Variants in NRG2 observed in about 807,000 individuals in gnomAD.
The protein encoded by NRG2 is neuregulin 2, also known as pro-neuregulin-2, membrane-bound isoform.
NRG2 carries 27 observed loss-of-function variants against 73.9 expected under a neutral mutation model. The ratio of observed to expected loss-of-function variants is 0.37; its 90% CI spans 0.27 to 0.50. The LOEUF (loss-of-function observed/expected upper bound fraction) is 0.50, where lower values mean the gene tolerates loss of function less well. NRG2 is among the 20% of genes least tolerant of loss of function. The pLI is 0.96. For synonymous variants in NRG2, 532 were observed against 541.0 expected (o/e 0.98, Z 0.23); for missense variants, 1,126 against 1,210.1 (o/e 0.93, Z 1.03).
chr5:140,025,001 C>T (rs1243500712), intron 1 of NRG2, among the ~76,000 whole-genome samples: 1 of 152,168 alleles, frequency 6.6e-6, no homozygotes, highest in Non-Finnish European at 1.5e-5. Context: ...AAACAAAAGC[C>T]CAGAATGTAA....
chr5:139,936,185 G>A (rs1752843676), intron 1 of NRG2, among the ~76,000 whole-genome samples: 1 of 151,456 alleles, frequency 6.6e-6, no homozygotes, highest in African/African-American at 2.4e-5. Context: ...AAATAAGCAA[G>A]AAAATAAATG....
intron 1 of NRG2, among the ~76,000 whole-genome samples, chr5:139,953,616 A>G (rs917808397): frequency 6.6e-6 from 1 of 152,196 alleles, no homozygotes; most frequent in African/African-American, 2.4e-5. Flanking sequence ...TTTCTGGAAC[A>G]CTGACAAGGT....
chr5:139,968,697 T>C (rs1755751535), intron 1 of NRG2, among the ~76,000 whole-genome samples: 1 of 152,318 alleles, frequency 6.6e-6, no homozygotes, highest in South Asian at 2.1e-4. Context: ...GGCTGTGTTC[T>C]GGACACTACT....
intron 2 of NRG2, among the ~76,000 whole-genome samples, chr5:139,886,228 A>G (rs1763861875): frequency 6.6e-6 from 1 of 152,170 alleles, no homozygotes; most frequent in Non-Finnish European, 1.5e-5. Context: ...TCTTGGAAGG[A>G]GAATCAGAGA....
At chr5:139,892,982 A>G (rs1048516226) in intron 1 of NRG2, among the ~76,000 whole-genome samples, 2 of 150,966 alleles carry the variant, frequency 1.3e-5, no homozygotes, top group East Asian at 3.9e-4. Context: ...CCTACTCCGC[A>G]AAGAGTTTAG....
chr5:140,008,258 T>C lies in NRG2; in HGVS notation c.700+34112A>G, dbSNP rs1457828657. On this transcript the variant is annotated intron_variant, in intron 1 of 9. Coordinates refer to ENST00000361474, the MANE Select transcript of NRG2 (RefSeq NM_004883.3). The surrounding 1 kb of genome is among the most constrained non-coding windows in gnomAD (Gnocchi z 4.2). ...TCTAGTGTTGCTACTACCACATCCT[T>C]CGAGTAGCCTAGTAAACCTTATTTC... is the stretch of plus-strand genomic sequence containing the variant. 6.6e-6 allele frequency among the ~76,000 whole-genome samples: 1 copy of C among 152,240 alleles called. No individual in the cohort carries two copies. The highest frequency in any genetic ancestry group is 1.5e-5 in the Non-Finnish European group (1 of 68,038).
At chr5:139,892,548 G>A (rs1258810582) in intron 1 of NRG2, among the ~76,000 whole-genome samples, 5 of 152,128 alleles carry the variant, frequency 3.3e-5, no homozygotes, top group African/African-American at 7.2e-5. Context: ...GGGCTAGATC[G>A]GCCCCTCACC....
At chr5:139,978,879 T>C (rs1454681217) in intron 1 of NRG2, among the ~76,000 whole-genome samples, 1 of 151,896 alleles carries the variant, frequency 6.6e-6, no homozygotes, top group African/African-American at 2.4e-5. Context: ...ATGTGGCACA[T>C]ATACACCATG....
chr5:139,984,241 A>G (rs967888494), intron 1 of NRG2, among the ~76,000 whole-genome samples: 1 of 152,230 alleles, frequency 6.6e-6, no homozygotes, highest in Non-Finnish European at 1.5e-5. Flanking sequence ...ATTTGGAAGC[A>G]ACTTATAAAT....
chr5:140,011,870 G>A (rs1759393298), intron 1 of NRG2, among the ~76,000 whole-genome samples: 1 of 152,160 alleles, frequency 6.6e-6, no homozygotes, highest in African/African-American at 2.4e-5. Flanking sequence ...ACTAATAAGA[G>A]GACCCAACTC....
chr5:140,010,479 G>T (rs181786856), intron 1 of NRG2, among the ~76,000 whole-genome samples: 13 of 152,134 alleles, frequency 8.5e-5, no homozygotes, highest in Non-Finnish European at 1.2e-4. Context: ...TCAATTGTAG[G>T]CTTATCAATT....
rs768389196 is a variant in NRG2, at chr5:139,848,705, G to A, written c.1773-8C>T. On this transcript the variant is annotated splice_region_variant and splice_polypyrimidine_tract_variant and intron_variant, in intron 9 of 9. Coordinates refer to ENST00000361474, the MANE Select transcript of NRG2 (RefSeq NM_004883.3). ...GTCAGGGCCGACACGTACCTGCGGG[G>A]AGAGGCAGAGGCATGGGCCAGGGCC... is the stretch of plus-strand genomic sequence containing the variant. 2.9e-5 allele frequency: 43 copies of A among 1,504,732 alleles called. No individual in the cohort carries two copies. The highest frequency in any genetic ancestry group is 1.0e-4 in the Admixed American group (5 of 48,550). The allele number at this position is 1,504,732 out of a possible 1,614,324, so 93.2% of individuals were successfully genotyped here.
chr5:139,907,192 AG>A (rs1459178646), intron 1 of NRG2, among the ~76,000 whole-genome samples: 1 of 152,094 alleles, frequency 6.6e-6, no homozygotes, highest in Non-Finnish European at 1.5e-5. Flanking sequence ...GAGAGGAGGC[AG>A]GCAGTGGTCA....
In NRG2 at chr5:140,030,119, G is replaced by A. The variant is rs1369971096; in HGVS notation, c.700+12251C>T. ...TGTGGACAGAGCAGCACTATTGATCGCCCTTTTCTCCCTCTTACAATGACA... is the reference window on the plus strand; with the variant it reads ...TGTGGACAGAGCAGCACTATTGATCACCCTTTTCTCCCTCTTACAATGACA... On this transcript the variant is annotated intron_variant, in intron 1 of 9. Coordinates refer to ENST00000361474, the MANE Select transcript of NRG2 (RefSeq NM_004883.3). 5.3e-5 allele frequency among the ~76,000 whole-genome samples: 8 copies of A among 152,072 alleles called. 1 individual carries two copies. In the South Asian group the frequency reaches 1.0e-3, roughly 20 times the overall value.
chr5:139,997,435 T>C lies in NRG2; in HGVS notation c.700+44935A>G, dbSNP rs549043431. On this transcript the variant is annotated intron_variant, in intron 1 of 9. Transcript: ENST00000361474. ...TACGAAGACCATTTGATACATGGACTGCCAGTGCTGGCTCTAAGGGGTTAA... is the reference window on the plus strand; with the variant it reads ...TACGAAGACCATTTGATACATGGACCGCCAGTGCTGGCTCTAAGGGGTTAA... Among the ~76,000 whole-genome samples, 18 of 152,372 alleles carry C rather than the reference T, an allele frequency of 1.2e-4. No homozygotes were observed. In the East Asian group the frequency reaches 3.5e-3, roughly 29 times the overall value.
At chr5:139,877,986 G>T (rs1763290574) in intron 3 of NRG2, among the ~76,000 whole-genome samples, 1 of 152,106 alleles carries the variant, frequency 6.6e-6, no homozygotes, top group South Asian at 2.1e-4. Context: ...AGGTGCCACG[G>T]TCTGGTTCCT....
At chr5:140,015,809 C>A (rs1759722341) in intron 1 of NRG2, among the ~76,000 whole-genome samples, 1 of 152,210 alleles carries the variant, frequency 6.6e-6, no homozygotes, top group African/African-American at 2.4e-5. Context: ...CAGGTGGGCA[C>A]ACGGTGATCT....
intron 1 of NRG2, among the ~76,000 whole-genome samples, chr5:139,971,034 C>T (rs1755930021): frequency 6.6e-6 from 1 of 152,104 alleles, no homozygotes; most frequent in Non-Finnish European, 1.5e-5. Flanking sequence ...ACACCACCAT[C>T]CTGGAGACTA....
At position 140,043,018 on chromosome 5, in the gene NRG2, G is replaced by C. The variant is rs1316029913; in HGVS notation, c.52C>G (p.Arg18Gly). The C allele has an allele frequency of 1.9e-6, 3 of 1,575,100 alleles. No homozygotes were observed. The highest frequency in any genetic ancestry group is 2.6e-6 in the Non-Finnish European group (3 of 1,166,510). ...CTGCTGTCGCTGTAGCTGCTGCACC[G>C]ACCCTTCTCCAGTGGCGGCGGCGGC... The part of the protein sequence containing the change: ...ALPPPPLEKG[R>G]CSSYSDSSSS... The change falls in exon 1 of 10, where the codon CGG becomes GGG. Residue 18 changes from arginine to glycine, a missense_variant. This residue lies in a region of NRG2 where 185 missense variants were observed against 149.0 expected (regional missense o/e 1.24). Transcript: ENST00000361474. This position sits in a 1 kb window ranked among gnomAD's most constrained non-coding sequence, Gnocchi z 6.7.
Sources: gnomAD v4.1 joint callset for allele counts (sites outside exome capture counted in the v4.1 genomes callset) on GRCh38, gnomAD v4.1.1 for gene constraint, gnomAD v4.1.1 regional missense constraint, Gnocchi (gnomAD v3.1) non-coding constraint, MANE v1.5 for transcripts, NCBI Gene and HGNC (gene_info 2026-07-23, HGNC 2026-07-21) for gene names.